IKZF2: variants seen among roughly 807,000 people sequenced by gnomAD.
IKZF2 encodes the protein zinc finger protein Helios.
Under a neutral mutation model 49.2 loss-of-function variants are expected in IKZF2, and 15 were observed. That is an observed-to-expected ratio of 0.30 (90% CI 0.20 to 0.47). IKZF2 has a LOEUF of 0.47. Ranked by LOEUF, IKZF2 falls within the 20% of genes least tolerant of loss-of-function variation. The pLI is 1.00. For missense variants in IKZF2, 567 were observed against 664.6 expected (o/e 0.85, Z 1.61); for synonymous variants, 227 against 221.4 (o/e 1.03, Z -0.23).
chr2:213,119,226 A>G (rs1444462894), intron 4 of IKZF2, among the ~76,000 whole-genome samples: 1 of 152,174 alleles, frequency 6.6e-6, no homozygotes, highest in Non-Finnish European at 1.5e-5. Flanking sequence ...AAGAAAGAAA[A>G]AAAGAATAGT....
intron 4 of IKZF2, among the ~76,000 whole-genome samples, chr2:213,061,897 T>C (rs887729375): frequency 6.6e-6 from 1 of 151,608 alleles, no homozygotes; most frequent in South Asian, 2.1e-4. Context: ...CTGAACAATA[T>C]ATAAATGTAA....
chr2:213,078,363 T>C (rs1402212722), intron 4 of IKZF2, among the ~76,000 whole-genome samples: 1 of 152,198 alleles, frequency 6.6e-6, no homozygotes, highest in Non-Finnish European at 1.5e-5. Context: ...AGAAACAAAA[T>C]CAGTATCCTA....
chr2:213,132,317 T>C (rs1326250339), intron 4 of IKZF2, among the ~76,000 whole-genome samples: 1 of 143,922 alleles, frequency 6.9e-6, no homozygotes, highest in Non-Finnish European at 1.5e-5. Flanking sequence ...GATAAAGGCA[T>C]CCAAAAAAAA....
At chr2:213,118,777 G>C (rs1338114003) in intron 4 of IKZF2, among the ~76,000 whole-genome samples, 2 of 152,148 alleles carry the variant, frequency 1.3e-5, no homozygotes, top group African/African-American at 4.8e-5. Context: ...GGGCTGCAAA[G>C]ACAGTTACTT....
At chr2:213,124,902 A>C (rs2060209253) in intron 4 of IKZF2, among the ~76,000 whole-genome samples, 1 of 152,214 alleles carries the variant, frequency 6.6e-6, no homozygotes, top group Non-Finnish European at 1.5e-5. Flanking sequence ...CTCACCTAGC[A>C]ACTTAAATGT....
In IKZF2 at chr2:213,008,027, T is replaced by C; in HGVS notation, c.914A>G (p.Tyr305Cys). ...CTGCATCAGCTCAGCCTCCTTCTCA[T>C]ATGTTAAGTTCATATCAAAGTGAAT... ...PDIHFDMNLT[Y>C]EKEAELMQSH... is the part of the protein sequence containing the mutation. The change falls in exon 9 of 9, where the codon TAT (tyrosine) becomes TGT (cysteine). Residue 305 changes from tyrosine (Y) to cysteine (C), a missense_variant. By Grantham distance (194) the Tyr-to-Cys change is radical (BLOSUM62 -2). This residue lies in a region of IKZF2 where 310 missense variants were observed against 326.9 expected (regional missense o/e 0.95). Transcript: ENST00000434687. 1 of 1,612,946 alleles carries C rather than the reference T, an allele frequency of 6.2e-7. No individual in the cohort carries two copies. The highest frequency in any genetic ancestry group is 1.7e-4 in the Middle Eastern group (1 of 6,046).
rs545552985 is a variant in IKZF2 at position 213,054,689 on chromosome 2, A to T, written c.406+2144T>A. The stretch of plus-strand genomic sequence containing the variant: ...AATCTAGATCTGAAGAAAGTATAAT[A>T]ATTTGCACAATGCTCCAATAAACAC... On this transcript the variant is annotated intron_variant, in intron 5 of 8. Coordinates refer to ENST00000434687, the MANE Select transcript of IKZF2 (RefSeq NM_001387220.1). Among the ~76,000 whole-genome samples, 3 of 152,324 alleles carry T rather than the reference A, an allele frequency of 2.0e-5. No individual in the cohort carries two copies. In the South Asian group the frequency reaches 6.2e-4, roughly 32 times the overall value.
At chr2:213,038,165 G>A (rs370072122) in intron 6 of IKZF2, among the ~76,000 whole-genome samples, 12 of 151,200 alleles carry the variant, frequency 7.9e-5, no homozygotes, top group African/African-American at 2.2e-4. Flanking sequence ...GATGCACGCC[G>A]TTCTCCTGCC....
intron 4 of IKZF2, chr2:213,097,780 T>A (rs969479484): frequency 1.2e-5 from 2 of 163,478 alleles, no homozygotes; most frequent in African/African-American, 4.8e-5. Context: ...CTGCTCTCTA[T>A]CAATATGTAC....
At chr2:213,027,341 G>A (rs1697918014) in intron 6 of IKZF2, among the ~76,000 whole-genome samples, 1 of 152,078 alleles carries the variant, frequency 6.6e-6, no homozygotes, top group Admixed American at 6.6e-5. Context: ...GCTCAACAGT[G>A]ATTACATTTC....
chr2:213,093,710 T>G (rs1282882356), intron 4 of IKZF2, among the ~76,000 whole-genome samples: 2 of 152,174 alleles, frequency 1.3e-5, no homozygotes, highest in Non-Finnish European at 2.9e-5. Flanking sequence ...AAGAAATATT[T>G]TATTAGATAA....
intron 4 of IKZF2, 103 bp downstream of exon 4, chr2:213,147,605 T>C: frequency 1.2e-6 from 1 of 825,252 alleles, no homozygotes; most frequent in Non-Finnish European, 2.2e-6. Flanking sequence ...TCTATAACAG[T>C]AGCTATACCA....
At chr2:213,112,630 T>C (rs571760612) in intron 4 of IKZF2, among the ~76,000 whole-genome samples, 1 of 152,098 alleles carries the variant, frequency 6.6e-6, no homozygotes, top group African/African-American at 2.4e-5. Flanking sequence ...CCCAGCTCAA[T>C]ATTCCATATT....
chr2:213,010,184 A>T (rs184596735), intron 8 of IKZF2, among the ~76,000 whole-genome samples: 1 of 152,204 alleles, frequency 6.6e-6, no homozygotes, highest in East Asian at 1.9e-4. Context: ...AATAATGTCC[A>T]GTAAGTTTAG....
chr2:213,112,752 G>T (rs1486528990), intron 4 of IKZF2, among the ~76,000 whole-genome samples: 1 of 152,076 alleles, frequency 6.6e-6, no homozygotes, highest in Non-Finnish European at 1.5e-5. Flanking sequence ...TATCATATTA[G>T]CTAAGACGAA....
At chr2:213,037,001 A>G (rs1699100153) in intron 6 of IKZF2, among the ~76,000 whole-genome samples, 1 of 152,172 alleles carries the variant, frequency 6.6e-6, no homozygotes, top group African/African-American at 2.4e-5. Context: ...CTAGGTGAGT[A>G]ATAAAGTTTG....
intron 4 of IKZF2, among the ~76,000 whole-genome samples, chr2:213,084,768 T>C (rs1704378401): frequency 6.6e-6 from 1 of 152,220 alleles, no homozygotes; most frequent in South Asian, 2.1e-4. Context: ...TTAAGCCTTG[T>C]TGAAGTTGTA....
At chr2:213,077,799 AG>A (rs919291994) in intron 4 of IKZF2, among the ~76,000 whole-genome samples, 22 of 152,136 alleles carry the variant, frequency 1.4e-4, no homozygotes, top group African/African-American at 5.3e-4. Context: ...CGTGTTAGCC[AG>A]GATGGTCTCG....
intron 4 of IKZF2, among the ~76,000 whole-genome samples, chr2:213,110,853 G>C (rs1180201719): frequency 6.6e-6 from 1 of 151,976 alleles, no homozygotes; most frequent in Non-Finnish European, 1.5e-5. Flanking sequence ...TGCTATGTCA[G>C]TATAGTTTTA....
Sources: allele counts gnomAD v4.1 joint callset (sites outside exome capture counted in the v4.1 genomes callset), GRCh38; gene constraint gnomAD v4.1.1; regional missense constraint gnomAD v4.1.1; transcripts MANE v1.5; gene names NCBI Gene and HGNC (gene_info 2026-07-23, HGNC 2026-07-21).